The following TFDP1 variants were observed in gnomAD, a reference collection of about 807,000 sequenced individuals.
TFDP1 encodes the protein DRTF1-polypeptide 1.
A neutral mutation model predicts 48.0 loss-of-function variants in TFDP1; 6 were observed. The ratio of observed to expected loss-of-function variants is 0.13; its 90% CI spans 0.07 to 0.25. The LOEUF is 0.25. TFDP1 is among the 10% of genes least tolerant of loss of function. The pLI is 1.00. For missense variants in TFDP1, 335 were observed against 543.0 expected (o/e 0.62, Z 3.81); for synonymous variants, 201 against 211.6 (o/e 0.95, Z 0.44).
rs534285182 is a variant in TFDP1 at position 113,633,353 on chromosome 13, T to A, written c.474+68T>A. The A allele has an allele frequency of 2.2e-3, 2,056 of 937,966 alleles. 3 individuals are homozygous for A. The highest frequency in any genetic ancestry group is 3.1e-3 in the Non-Finnish European group (1,879 of 597,256). The allele number at this position is 937,966 out of a possible 1,614,324, so 58.1% of individuals were successfully genotyped here. On this transcript the variant is annotated intron_variant, in intron 6 of 11. Transcript: ENST00000375370. The surrounding 1 kb of genome is among the most constrained non-coding windows in gnomAD (Gnocchi z 4.5). ...CAGCGGTGTGGTACGTTTCGCTCTT[T>A]TAATATCGGGAACAGTTAAAACCAT...
Position 113,598,948 on chromosome 13 carries a change from G to A in TFDP1, c.13-12048G>A, listed in dbSNP as rs2048347045. Among the ~76,000 whole-genome samples, 1 of 152,184 alleles carries A rather than the reference G, an allele frequency of 6.6e-6. No homozygotes were observed. The highest frequency in any genetic ancestry group is 2.4e-5 in the African/African-American group (1 of 41,428). ...TATTGCTTTGTTCGGTTATGAAAAT[G>A]GAAAGTTTATTTAAAAACGTAGGGT... On this transcript the variant is annotated intron_variant, in intron 2 of 11. Coordinates refer to ENST00000375370, the MANE Select transcript of TFDP1 (RefSeq NM_007111.5). The surrounding 1 kb of genome is among the most constrained non-coding windows in gnomAD (Gnocchi z 4.2).
chr13:113,620,464 G>A lies in TFDP1; in HGVS notation c.80-2716G>A, dbSNP rs191357148. Among the ~76,000 whole-genome samples, 539 of 152,330 alleles carry A rather than the reference G, an allele frequency of 3.5e-3. 6 individuals are homozygous for A. Among genetic ancestry groups the A allele is most frequent in the Admixed American group, 1.0e-2 (153 of 15,312 alleles). ...TCACATTTATTGAAATTAGAGACTC[G>A]TTTGCAAATTTTAAAAGATGTTATC... On this transcript the variant is annotated intron_variant, in intron 3 of 11. Coordinates refer to ENST00000375370, the MANE Select transcript of TFDP1 (RefSeq NM_007111.5).
Position 113,605,122 on chromosome 13 carries a change from C to T in TFDP1, c.13-5874C>T, listed in dbSNP as rs75492267. On this transcript the variant is annotated intron_variant, in intron 2 of 11. Coordinates refer to ENST00000375370, the MANE Select transcript of TFDP1 (RefSeq NM_007111.5). ...GGGACGATGCTGCACTTAGTTCTTG[C>T]GACTCTTCCTGTTGTCAGTTGGGGC... 6.2e-3 allele frequency among the ~76,000 whole-genome samples: 937 copies of T among 151,774 alleles called. 33 individuals are homozygous for T. In the East Asian group the frequency reaches 0.11, roughly 17 times the overall value.
At chr13:113,613,246 C>T (rs1188361534) in intron 3 of TFDP1, among the ~76,000 whole-genome samples, 1 of 152,226 alleles carries the variant, frequency 6.6e-6, no homozygotes, top group Admixed American at 6.5e-5. Context: ...GAACTCCTGA[C>T]ATCATGATCC....
At chr13:113,588,117 T>A (rs1731352451) in intron 2 of TFDP1, among the ~76,000 whole-genome samples, 1 of 152,206 alleles carries the variant, frequency 6.6e-6, no homozygotes, top group Non-Finnish European at 1.5e-5. Context: ...CCCAAAGTGC[T>A]GGGATTACAG....
intron 3 of TFDP1, among the ~76,000 whole-genome samples, chr13:113,622,698 T>C (rs1344260185): frequency 6.6e-6 from 1 of 152,192 alleles, no homozygotes; most frequent in Non-Finnish European, 1.5e-5. Context: ...ACCTGCATGT[T>C]TAGAGCCGCA....
At position 113,634,049 on chromosome 13, in the gene TFDP1, T is replaced by C; in HGVS notation, c.618+16T>C. Reference sequence around the variant, plus strand: ...GAACTTAGAGGTGCCCCTTCAGCCTTCCTTCAACCTTGATTTCCCTTCAAG... The same window carrying C: ...GAACTTAGAGGTGCCCCTTCAGCCTCCCTTCAACCTTGATTTCCCTTCAAG... On this transcript the variant is annotated intron_variant, in intron 7 of 11. Transcript: ENST00000375370. 1.2e-6 allele frequency: 2 copies of C among 1,614,124 alleles called. No homozygotes were observed. Among genetic ancestry groups the C allele is most frequent in the Middle Eastern group, 1.6e-4 (1 of 6,062 alleles).
At chr13:113,614,489 G>A (rs979973752) in intron 3 of TFDP1, among the ~76,000 whole-genome samples, 8 of 152,156 alleles carry the variant, frequency 5.3e-5, no homozygotes, top group African/African-American at 1.7e-4. Flanking sequence ...GGGCATGGTC[G>A]GTAGCACTTT....
intron 3 of TFDP1, among the ~76,000 whole-genome samples, chr13:113,621,486 A>T: frequency 6.6e-6 from 1 of 152,350 alleles, no homozygotes; most frequent in South Asian, 2.1e-4. Flanking sequence ...ATGATTATAT[A>T]TGAATATCAT....
At chr13:113,626,864 A>G (rs2049193096) in intron 4 of TFDP1, among the ~76,000 whole-genome samples, 1 of 152,226 alleles carries the variant, frequency 6.6e-6, no homozygotes, top group Admixed American at 6.5e-5. Context: ...GTGTCATAGC[A>G]GAGTTTGTCT....
intron 2 of TFDP1, among the ~76,000 whole-genome samples, chr13:113,590,828 G>T (rs2048121275): frequency 6.6e-6 from 1 of 151,786 alleles, no homozygotes; most frequent in Non-Finnish European, 1.5e-5. Flanking sequence ...GGCTAAGAGG[G>T]TGAAACCCCT....
At chr13:113,635,447 A>C (rs1292245663) in intron 8 of TFDP1, among the ~76,000 whole-genome samples, 2 of 152,184 alleles carry the variant, frequency 1.3e-5, no homozygotes, top group Non-Finnish European at 2.9e-5. Flanking sequence ...CTACATTAAT[A>C]GCAAAGAAGG....
In TFDP1 at chr13:113,637,870, G is replaced by A. The variant is rs553628358; in HGVS notation, c.1059G>A (p.Thr353=). 8.1e-6 allele frequency: 13 copies of A among 1,613,936 alleles called. No homozygotes were observed. In the East Asian group the frequency reaches 8.9e-5, roughly 11 times the overall value. The change falls in exon 11 of 12, where the codon ACG becomes ACA. Residue 353 remains threonine (T), a synonymous_variant. Coordinates refer to ENST00000375370, the MANE Select transcript of TFDP1 (RefSeq NM_007111.5). Reference sequence around the variant, plus strand: ...TGTTCATCACGACGGCAGGTTCCACGTCTAACGGCACAAGGTTCTCTGCCA... The same window carrying A: ...TGTTCATCACGACGGCAGGTTCCACATCTAACGGCACAAGGTTCTCTGCCA... ...GGVFITTAGS[T]SNGTRFSASD... is the part of the protein sequence containing the mutation.
intron 3 of TFDP1, among the ~76,000 whole-genome samples, chr13:113,620,462 T>C (rs2048970567): frequency 6.6e-6 from 1 of 152,272 alleles, no homozygotes; most frequent in South Asian, 2.1e-4. Context: ...AATTAGAGAC[T>C]CGTTTGCAAA....
intron 2 of TFDP1, among the ~76,000 whole-genome samples, chr13:113,601,677 C>T (rs992048966): frequency 2.0e-5 from 3 of 152,232 alleles, no homozygotes; most frequent in South Asian, 2.1e-4. Context: ...AGGCTGGGGT[C>T]CCAGGCCCGG....
intron 10 of TFDP1, 49 bp from the exon 11 acceptor site, chr13:113,637,769 G>A: frequency 6.2e-7 from 1 of 1,614,186 alleles, no homozygotes. Flanking sequence ...TGTGCGTCTT[G>A]TGTTGTTTCT....
Position 113,627,973 on chromosome 13 carries a change from G to A in TFDP1, c.187-3650G>A, listed in dbSNP as rs1478680033. Among the ~76,000 whole-genome samples the A allele has an allele frequency of 1.3e-5, 2 of 152,256 alleles. No individual in the cohort carries two copies. The highest frequency in any genetic ancestry group is 2.9e-5 in the Non-Finnish European group (2 of 68,050). ...GGGAGGAGGGTTGGTCTCGGGCAAGGTGGACCTCCGGCAGGTCCTCTACTG... is the reference window on the plus strand; with the variant it reads ...GGGAGGAGGGTTGGTCTCGGGCAAGATGGACCTCCGGCAGGTCCTCTACTG... On this transcript the variant is annotated intron_variant, in intron 4 of 11. Transcript: ENST00000375370. This position sits in a 1 kb window ranked among gnomAD's most constrained non-coding sequence, Gnocchi z 4.1.
At position 113,636,689 on chromosome 13, in the gene TFDP1, C is replaced by A. The variant is rs1194905970; in HGVS notation, c.995C>A (p.Pro332Gln). The A allele has an allele frequency of 6.2e-7, 1 of 1,609,398 alleles. No individual in the cohort carries two copies. Among genetic ancestry groups the A allele is most frequent in the African/African-American group, 1.4e-5 (1 of 70,956 alleles). Residue 332 changes from proline (P) to glutamine (Q), a missense_variant, in exon 10 of 12, where the codon CCA (proline) becomes CAA (glutamine). Coordinates refer to ENST00000375370, the MANE Select transcript of TFDP1 (RefSeq NM_007111.5). ...AGTCTGGTCCCCAAGGCTCTGGAGCCATACGTGACAGGTCAGCAATGCCCA... is the reference window on the plus strand; with the variant it reads ...AGTCTGGTCCCCAAGGCTCTGGAGCAATACGTGACAGGTCAGCAATGCCCA... ...ARSLVPKALE[P>Q]YVTEMAQGTV... is the part of the protein sequence containing the mutation.
intron 2 of TFDP1, among the ~76,000 whole-genome samples, chr13:113,597,797 A>T (rs961917626): frequency 1.3e-5 from 2 of 152,174 alleles, no homozygotes; most frequent in African/African-American, 4.8e-5. Flanking sequence ...GTCCAATGTG[A>T]GGGCTCTGAG....
Sources: allele counts gnomAD v4.1 joint callset (sites outside exome capture counted in the v4.1 genomes callset), GRCh38; gene constraint gnomAD v4.1.1; non-coding constraint Gnocchi (gnomAD v3.1); transcripts MANE v1.5; gene names NCBI Gene and HGNC (gene_info 2026-07-23, HGNC 2026-07-21).